Variants in DCHS2 observed in about 807,000 individuals in gnomAD.
The protein encoded by DCHS2 is protocadherin-23.
DCHS2 carries 142 observed loss-of-function variants against 182.4 expected under a neutral mutation model. The observed-to-expected ratio is 0.78, with a 90% confidence interval of 0.68 to 0.89. The LOEUF (loss-of-function observed/expected upper bound fraction) is 0.89. Among genes scored for constraint, DCHS2 ranks in the 40% least tolerant of loss-of-function variants. The pLI is 0.00. For missense variants in DCHS2, 4,319 were observed against 4,198.6 expected, an observed-to-expected ratio of 1.03 and a Z score of -0.79; for synonymous variants, 1,740 against 1,663.3, an observed-to-expected ratio of 1.05 and a Z score of -1.12.
intron 1 of DCHS2, among the ~76,000 whole-genome samples, chr4:154,443,208 C>T (rs1439011752): frequency 6.6e-6 from 1 of 152,166 alleles, no homozygotes; most frequent in Non-Finnish European, 1.5e-5. Context: ...CCCAACTCTT[C>T]ACCTATTAGA....
chr4:154,489,207 A>G, intron 1 of DCHS2, 97 bp downstream of exon 1: 1 of 1,028,592 alleles, frequency 9.7e-7, no homozygotes, highest in Non-Finnish European at 1.4e-6. Context: ...TGAGAGCCGG[A>G]ATATTATCCT....
chr4:154,249,938 C>T (rs973407424), intron 16 of DCHS2, among the ~76,000 whole-genome samples: 1 of 152,072 alleles, frequency 6.6e-6, no homozygotes, highest in Non-Finnish European at 1.5e-5. Context: ...TACCTGAGTA[C>T]TGTGCTCACT....
At chr4:154,278,434 G>C (rs1429847719) in intron 13 of DCHS2, among the ~76,000 whole-genome samples, 3 of 151,750 alleles carry the variant, frequency 2.0e-5, no homozygotes, top group Admixed American at 6.6e-5. Context: ...GGGAAACAAA[G>C]GAAAATGGGT....
chr4:154,383,990 A>T (rs1731285872), intron 1 of DCHS2, among the ~76,000 whole-genome samples: 1 of 152,198 alleles, frequency 6.6e-6, no homozygotes, highest in Non-Finnish European at 1.5e-5. Context: ...AGCATTTAAC[A>T]ATTTGTTTGA....
intron 12 of DCHS2, among the ~76,000 whole-genome samples, chr4:154,299,180 C>G (rs1456381038): frequency 6.6e-6 from 1 of 152,190 alleles, no homozygotes; most frequent in Non-Finnish European, 1.5e-5. Context: ...ATAGTACCCA[C>G]TACAGTATTC....
chr4:154,283,529 T>A (rs1270367894), intron 13 of DCHS2, among the ~76,000 whole-genome samples: 1 of 151,978 alleles, frequency 6.6e-6, no homozygotes, highest in African/African-American at 2.4e-5. Flanking sequence ...ACACAATTGA[T>A]TAAGTCTGAA....
intron 13 of DCHS2, among the ~76,000 whole-genome samples, chr4:154,293,990 T>C (rs796504560): frequency 7.9e-5 from 12 of 152,284 alleles, no homozygotes; most frequent in African/African-American, 2.9e-4. Context: ...TTTGTGCATA[T>C]ATATGCCTTT....
At position 154,329,604 on chromosome 4, in the gene DCHS2, C is replaced by T. The variant is rs375851945; in HGVS notation, c.3837G>A (p.Ala1279=). 14 of 1,613,130 alleles carry T rather than the reference C, an allele frequency of 8.7e-6. No individual in the cohort carries two copies. The highest frequency in any genetic ancestry group is 2.7e-5 in the African/African-American group (2 of 74,858). The change falls in exon 6 of 20, where the codon GCG becomes GCA. Residue 1279 remains alanine, a synonymous_variant. Transcript: ENST00000357232. ...RGSPPRNATM[A]VYVSVTDIND... is the part of the protein sequence containing the mutation. ...TGATGTCAGTAACTGAGACGTAAAC[C>T]GCCATGGTGGCGTTTCGTGGTGGGG... is the stretch of plus-strand genomic sequence containing the variant.
intron 1 of DCHS2, among the ~76,000 whole-genome samples, chr4:154,399,731 G>A (rs1382383420): frequency 6.6e-6 from 1 of 152,162 alleles, no homozygotes; most frequent in African/African-American, 2.4e-5. Flanking sequence ...AACCAATGTT[G>A]GTCTATAGTG....
rs1359875868 is a variant in DCHS2, at chr4:154,489,478, C to T, written c.1878G>A (p.Gln626=). Residue 626 remains glutamine (Q), a synonymous_variant, in exon 1 of 20, where the codon CAG becomes CAA. Transcript: ENST00000357232. ...STIRTLDREV[Q]EAVELKVVAQ... ...CCACCACTTTCAGCTCCACCGCCTC[C>T]TGGACCTCTCGGTCTAGAGTCCGGA... 1.9e-6 allele frequency: 3 copies of T among 1,551,732 alleles called. No individual in the cohort carries two copies. In the East Asian group the frequency reaches 7.3e-5, roughly 38 times the overall value.
chr4:154,377,681 G>A (rs1249091863), intron 1 of DCHS2, among the ~76,000 whole-genome samples: 1 of 151,948 alleles, frequency 6.6e-6, no homozygotes. Flanking sequence ...TATCTTTTCA[G>A]ATGATCTCTG....
intron 2 of DCHS2, among the ~76,000 whole-genome samples, chr4:154,374,900 T>A (rs1336500273): frequency 6.6e-6 from 1 of 152,134 alleles, no homozygotes; most frequent in Admixed American, 6.6e-5. Context: ...ACGGTGTGTA[T>A]AGTAGGCCAC....
chr4:154,461,822 G>T (rs1735020297), intron 1 of DCHS2, among the ~76,000 whole-genome samples: 1 of 152,092 alleles, frequency 6.6e-6, no homozygotes, highest in African/African-American at 2.4e-5. Flanking sequence ...CAAGAACCTG[G>T]ACATTTTCAG....
chr4:154,463,737 T>C (rs899414049), intron 1 of DCHS2, among the ~76,000 whole-genome samples: 3 of 151,620 alleles, frequency 2.0e-5, no homozygotes, highest in Non-Finnish European at 4.4e-5. Context: ...TGTCTCTCTC[T>C]CCCTCCTTCT....
At chr4:154,324,929 AT>A (rs1736218301) in intron 7 of DCHS2, among the ~76,000 whole-genome samples, 2 of 152,142 alleles carry the variant, frequency 1.3e-5, no homozygotes, top group Non-Finnish European at 2.9e-5. Flanking sequence ...TTTACCATAT[AT>A]TTTGTAGTTG....
At chr4:154,302,215 GA>G (rs900068191) in intron 12 of DCHS2, among the ~76,000 whole-genome samples, 4 of 152,012 alleles carry the variant, frequency 2.6e-5, no homozygotes, top group African/African-American at 7.3e-5. Flanking sequence ...ACATATAATT[GA>G]AAAAAACTTA....
At chr4:154,353,562 T>C (rs1306277391) in intron 3 of DCHS2, among the ~76,000 whole-genome samples, 2 of 152,226 alleles carry the variant, frequency 1.3e-5, no homozygotes, top group African/African-American at 4.8e-5. Context: ...CCCTGACTCC[T>C]ATCATCTATC....
At chr4:154,348,505 C>A (rs1377276741) in intron 3 of DCHS2, among the ~76,000 whole-genome samples, 1 of 151,834 alleles carries the variant, frequency 6.6e-6, no homozygotes, top group East Asian at 1.9e-4. Context: ...CAGAATATGA[C>A]CTTATTTGGA....
At chr4:154,349,921 G>C (rs907025425) in intron 3 of DCHS2, among the ~76,000 whole-genome samples, 1 of 152,154 alleles carries the variant, frequency 6.6e-6, no homozygotes, top group African/African-American at 2.4e-5. Context: ...AAATAAAAAT[G>C]CCTTCCACTT....
Sources: allele counts gnomAD v4.1 joint callset (sites outside exome capture counted in the v4.1 genomes callset), GRCh38; gene constraint gnomAD v4.1.1; transcripts MANE v1.5; gene names NCBI Gene and HGNC (gene_info 2026-07-23, HGNC 2026-07-21).